ST3GAL6: variants seen among roughly 807,000 people sequenced by gnomAD.
ST3GAL6 encodes ST3 beta-galactoside alpha-2,3-sialyltransferase 6.
Under a neutral mutation model 40.5 loss-of-function variants are expected in ST3GAL6, and 31 were observed. The ratio of observed to expected loss-of-function variants is 0.77; its 90% CI spans 0.58 to 1.03. ST3GAL6 has a LOEUF of 1.03. Among genes scored for constraint, ST3GAL6 ranks in the 50% least tolerant of loss-of-function variants. The pLI is 0.00. For synonymous variants in ST3GAL6, 129 were observed against 136.9 expected, an observed-to-expected ratio of 0.94 and a Z score of 0.40; for missense variants, 357 against 393.2, an observed-to-expected ratio of 0.91 and a Z score of 0.78.
At chr3:98,733,495 T>C (rs1463652411) in intron 1 of ST3GAL6, 1 of 987,610 alleles carries the variant, frequency 1.0e-6, no homozygotes, top group African/African-American at 1.7e-5. Context: ...TTCTGGTCTC[T>C]TACCGTATAA....
chr3:98,778,114 A>C (rs1052254942), intron 5 of ST3GAL6, among the ~76,000 whole-genome samples: 5 of 152,212 alleles, frequency 3.3e-5, no homozygotes, highest in Non-Finnish European at 5.9e-5. Context: ...AAGCATGCCA[A>C]GTTTTATGAA....
chr3:98,760,965 A>G (rs962529799), upstream of ST3GAL6, among the ~76,000 whole-genome samples: 11 of 152,234 alleles, frequency 7.2e-5, no homozygotes, highest in African/African-American at 2.2e-4. Context: ...CAGAAGTCAG[A>G]AATAAGATAT....
chr3:98,793,198 T>C (rs1941354797), intron 9 of ST3GAL6, among the ~76,000 whole-genome samples: 1 of 152,218 alleles, frequency 6.6e-6, no homozygotes, highest in Admixed American at 6.5e-5. Context: ...TCAAGTGTCA[T>C]CTAAAGAGCA....
chr3:98,786,551 C>T (rs528443286), intron 6 of ST3GAL6, among the ~76,000 whole-genome samples: 4 of 152,034 alleles, frequency 2.6e-5, no homozygotes, highest in South Asian at 2.1e-4. Context: ...TGGACTAGGT[C>T]GAAGAGGGAA....
At chr3:98,756,643 C>A in intron 1 of ST3GAL6, 1 of 995,744 alleles carries the variant, frequency 1.0e-6, no homozygotes, top group South Asian at 2.2e-5. Flanking sequence ...ATGTTAAAAT[C>A]CCCTCTTCTA....
rs909567982 is a variant in ST3GAL6, at chr3:98,784,816, G to A, written c.336-129G>A. 1.5e-5 allele frequency: 10 copies of A among 658,658 alleles called. No homozygotes were observed. In the Admixed American group the frequency reaches 1.9e-4, roughly 12 times the overall value. The allele number at this position is 658,658 out of a possible 1,614,324, so 40.8% of individuals were successfully genotyped here. A position where few individuals can be genotyped will look rare whatever the true frequency, so the allele number is the denominator to read the frequency against. ...TAATACAGCTCTAGACTTGTAAGTC[G>A]CAGTTGGTTCTTTTTCTACTTGCGC... On this transcript the variant is annotated intron_variant, in intron 5 of 9. Coordinates refer to ENST00000483910, the MANE Select transcript of ST3GAL6 (RefSeq NM_001323368.2).
chr3:98,732,861 C>G, intron 1 of ST3GAL6: 2 of 1,512,118 alleles, frequency 1.3e-6, no homozygotes, highest in Non-Finnish European at 1.8e-6. Context: ...CTTCTGCGGC[C>G]CGATGTGGCA....
rs60497470 is a variant in ST3GAL6, at chr3:98,756,481, C to A, written c.-11-11949C>A. 1.8e-4 allele frequency: 237 copies of A among 1,288,924 alleles called. No individual in the cohort carries two copies. The African/African-American group carries it at 3.4e-3, about 19-fold the overall frequency. The allele number at this position is 1,288,924 out of a possible 1,614,324, so 79.8% of individuals were successfully genotyped here. On this transcript the variant is annotated intron_variant, in intron 1 of 9. Coordinates refer to the ST3GAL6 transcript ENST00000265261. Reference sequence around the variant, plus strand: ...GTCTTTGGCAGCCTGGTCCCTCTTTCGCAAATTCTCCACCTTTGCGAACAG... The same window carrying A: ...GTCTTTGGCAGCCTGGTCCCTCTTTAGCAAATTCTCCACCTTTGCGAACAG...
chr3:98,788,179 A>G lies in ST3GAL6; in HGVS notation c.575A>G (p.His192Arg), dbSNP rs765461173. 5.8e-5 allele frequency: 93 copies of G among 1,613,440 alleles called. No individual in the cohort carries two copies. Among genetic ancestry groups the G allele is most frequent in the Non-Finnish European group, 7.5e-5 (88 of 1,179,808 alleles). Residue 192 changes from histidine to arginine, a missense_variant, in exon 7 of 10, where the codon CAT becomes CGT. His to Arg is a conservative substitution (Grantham distance 29). Coordinates refer to ENST00000483910, the MANE Select transcript of ST3GAL6 (RefSeq NM_001323368.2). Reference protein sequence around the residue: ...TTVILTAFKPHDLRWLLELLM... With the variant: ...TTVILTAFKPRDLRWLLELLM... ...GTGATTCTCACTGCTTTTAAGCCAC[A>G]TGATTTAAGGTGGCTGTTGGAATTG...
At chr3:98,780,760 A>G (rs913513480) in intron 5 of ST3GAL6, among the ~76,000 whole-genome samples, 1 of 152,144 alleles carries the variant, frequency 6.6e-6, no homozygotes, top group Non-Finnish European at 1.5e-5. Context: ...GCACATGTAT[A>G]TGACAGATGG....
chr3:98,782,616 G>A, intron 5 of ST3GAL6: 1 of 455,444 alleles, frequency 2.2e-6, no homozygotes, highest in East Asian at 4.3e-5. Context: ...AACCAGTACA[G>A]TAACCCAGCT....
At chr3:98,753,345 G>T (rs1348801533) in intron 1 of ST3GAL6, among the ~76,000 whole-genome samples, 3 of 152,200 alleles carry the variant, frequency 2.0e-5, no homozygotes, top group African/African-American at 7.2e-5. Flanking sequence ...TAAGTCATGA[G>T]GTTTAAGGAA....
At chr3:98,790,901 C>T (rs934545165) in intron 8 of ST3GAL6, among the ~76,000 whole-genome samples, 27 of 152,094 alleles carry the variant, frequency 1.8e-4, no homozygotes, top group African/African-American at 6.3e-4. Context: ...TACAATGGTA[C>T]ATAGGATAAA....
At chr3:98,762,552 G>C (rs1463236114), upstream of ST3GAL6, 1 of 179,298 alleles carries the variant, frequency 5.6e-6, no homozygotes. Context: ...CCATCAACCA[G>C]ACTACTGATT....
intron 1 of ST3GAL6, among the ~76,000 whole-genome samples, chr3:98,747,480 T>C (rs1186772627): frequency 3.3e-5 from 5 of 152,220 alleles, no homozygotes; most frequent in Non-Finnish European, 5.9e-5. Flanking sequence ...ACGACAATTC[T>C]AAAGTATTTC....
intron 8 of ST3GAL6, among the ~76,000 whole-genome samples, chr3:98,790,558 G>A (rs1471556472): frequency 2.0e-5 from 3 of 152,142 alleles, no homozygotes; most frequent in Admixed American, 6.5e-5. Context: ...CTAGTCAAAC[G>A]TAACTGGATT....
At chr3:98,738,099 C>T (rs144343860) in intron 1 of ST3GAL6, among the ~76,000 whole-genome samples, 2,364 of 127,684 alleles carry the variant, frequency 0.019, 73 homozygotes, top group African/African-American at 0.065. Context: ...CCTCCCCCCA[C>T]CCCCGCCTTT....
chr3:98,752,982 C>T (rs1224293508), intron 1 of ST3GAL6, among the ~76,000 whole-genome samples: 3 of 152,190 alleles, frequency 2.0e-5, no homozygotes, highest in Admixed American at 1.3e-4. Flanking sequence ...CTCCAATAGC[C>T]TCTAAGTATT....
intron 8 of ST3GAL6, among the ~76,000 whole-genome samples, chr3:98,790,265 A>T (rs1330443554): frequency 2.0e-5 from 3 of 152,200 alleles, no homozygotes; most frequent in Non-Finnish European, 4.4e-5. Context: ...GTAGTTAAGT[A>T]CAGAAGTAAA....
Sources: gnomAD v4.1 joint callset for allele counts (sites outside exome capture counted in the v4.1 genomes callset) on GRCh38, gnomAD v4.1.1 for gene constraint, MANE v1.5 for transcripts, NCBI Gene and HGNC (gene_info 2026-07-23, HGNC 2026-07-21) for gene names.